The following METTL15 variants were observed in gnomAD, a reference collection of about 807,000 sequenced individuals.
METTL15 encodes the protein methyltransferase 15, mitochondrial 12S rRNA N4-cytidine.
METTL15 carries 34 observed loss-of-function variants against 38.3 expected under a neutral mutation model. The ratio of observed to expected loss-of-function variants is 0.89; its 90% confidence interval spans 0.68 to 1.18. The LOEUF (loss-of-function observed/expected upper bound fraction) is 1.18. Ranked by LOEUF, METTL15 falls within the 50% of genes most tolerant of loss-of-function variation. The pLI is 0.00. For missense variants in METTL15, 438 were observed against 498.4 expected (o/e 0.88, Z 1.15); for synonymous variants, 162 against 170.9 (o/e 0.95, Z 0.41).
intron 6 of METTL15, among the ~76,000 whole-genome samples, chr11:28,478,359 A>G (rs1851365065): frequency 1.3e-5 from 2 of 152,196 alleles, no homozygotes; most frequent in Non-Finnish European, 2.9e-5. Context: ...TATGCCTACC[A>G]TGATTTCGTG....
At chr11:28,131,720 A>G (rs1017688414) in intron 3 of METTL15, among the ~76,000 whole-genome samples, 43 of 152,252 alleles carry the variant, frequency 2.8e-4, no homozygotes, top group African/African-American at 9.9e-4. Flanking sequence ...CTTTTGTTCA[A>G]ATTGATAAAG....
chr11:28,453,924 T>C (rs1400654145), intron 6 of METTL15, among the ~76,000 whole-genome samples: 1 of 152,202 alleles, frequency 6.6e-6, no homozygotes, highest in African/African-American at 2.4e-5. Flanking sequence ...CATGGGAAGA[T>C]ACAGGAAAAA....
chr11:28,251,653 T>C (rs767388586), intron 4 of METTL15, among the ~76,000 whole-genome samples: 2 of 152,072 alleles, frequency 1.3e-5, no homozygotes, highest in Non-Finnish European at 1.5e-5. Flanking sequence ...CAGTAGTCTC[T>C]TGGTTCCTTG....
intron 3 of METTL15, among the ~76,000 whole-genome samples, chr11:28,339,560 A>T (rs949198857): frequency 1.3e-5 from 2 of 151,548 alleles, no homozygotes; most frequent in Admixed American, 1.3e-4. Flanking sequence ...TACAAAAGAC[A>T]TAAAAGTTAA....
At chr11:28,383,823 T>C (rs938039827) in intron 5 of METTL15, among the ~76,000 whole-genome samples, 1 of 152,160 alleles carries the variant, frequency 6.6e-6, no homozygotes, top group Admixed American at 6.5e-5. Context: ...TTTTTAACTT[T>C]TATTTTAAGT....
chr11:28,430,741 C>A (rs1290314992), intron 6 of METTL15, among the ~76,000 whole-genome samples: 1 of 112,688 alleles, frequency 8.9e-6, no homozygotes, highest in Non-Finnish European at 1.9e-5. Flanking sequence ...GTCAGCCCTC[C>A]GCCTGGCCAG....
chr11:28,234,308 G>C (rs1174793995), intron 4 of METTL15, among the ~76,000 whole-genome samples: 2 of 151,592 alleles, frequency 1.3e-5, no homozygotes, highest in Non-Finnish European at 2.9e-5. Flanking sequence ...ATAGTCCTTT[G>C]GGTATATACC....
intron 6 of METTL15, among the ~76,000 whole-genome samples, chr11:28,465,193 C>T (rs1269356950): frequency 6.6e-6 from 1 of 152,082 alleles, no homozygotes; most frequent in Non-Finnish European, 1.5e-5. Flanking sequence ...ACGGTAATGA[C>T]CACTTCCCTC....
intron 3 of METTL15, among the ~76,000 whole-genome samples, chr11:28,186,543 G>T (rs577961557): frequency 2.6e-4 from 40 of 150,998 alleles, no homozygotes; most frequent in Non-Finnish European, 5.6e-4. Context: ...AAGCTTACTT[G>T]ACTTAATTAT....
At chr11:28,367,271 A>G (rs927959435) in intron 5 of METTL15, among the ~76,000 whole-genome samples, 7 of 152,078 alleles carry the variant, frequency 4.6e-5, no homozygotes, top group African/African-American at 1.7e-4. Context: ...ACAGACAGAT[A>G]CTGCAGGAAA....
At chr11:28,148,715 C>T (rs984404226) in intron 3 of METTL15, among the ~76,000 whole-genome samples, 4 of 151,874 alleles carry the variant, frequency 2.6e-5, no homozygotes, top group Non-Finnish European at 5.9e-5. Flanking sequence ...TGTAAGTCAC[C>T]AAGGGATTGA....
intron 5 of METTL15, among the ~76,000 whole-genome samples, chr11:28,372,439 T>A (rs1445188065): frequency 7.5e-6 from 1 of 132,948 alleles, no homozygotes; most frequent in African/African-American, 2.8e-5. Context: ...GTTTTCTTTT[T>A]TTGTTGTGTT....
intron 3 of METTL15, among the ~76,000 whole-genome samples, chr11:28,118,921 T>TA (rs1273030085): frequency 6.6e-6 from 1 of 152,194 alleles, no homozygotes; most frequent in African/African-American, 2.4e-5. Context: ...CATTAGCTGT[T>TA]ACTATGGGAA....
intron 5 of METTL15, among the ~76,000 whole-genome samples, chr11:28,397,772 A>C (rs995309476): frequency 1.3e-5 from 2 of 152,178 alleles, no homozygotes; most frequent in South Asian, 2.1e-4. Flanking sequence ...TCATGCTGCT[A>C]TAAAGACACA....
chr11:28,301,454 C>G (rs905702328), intron 6 of METTL15, among the ~76,000 whole-genome samples: 2 of 152,044 alleles, frequency 1.3e-5, no homozygotes, highest in Non-Finnish European at 2.9e-5. Flanking sequence ...TATCTTATTG[C>G]TTGCTTACTA....
chr11:28,289,303 A>G (rs1225396779), intron 4 of METTL15, among the ~76,000 whole-genome samples: 3 of 152,154 alleles, frequency 2.0e-5, no homozygotes, highest in Non-Finnish European at 4.4e-5. Context: ...TACTTTCTCC[A>G]TTGGAATTGT....
intron 6 of METTL15, among the ~76,000 whole-genome samples, chr11:28,438,675 T>TC (rs1236343516): frequency 7.0e-6 from 1 of 142,678 alleles, no homozygotes; most frequent in African/African-American, 2.6e-5. Context: ...CTTTTTTCTT[T>TC]TTTTTTTTTT....
intron 3 of METTL15, among the ~76,000 whole-genome samples, chr11:28,203,925 G>A (rs1424669363): frequency 6.6e-6 from 1 of 151,958 alleles, no homozygotes; most frequent in African/African-American, 2.4e-5. Context: ...GGCAATATTA[G>A]GAATACATTG....
intron 4 of METTL15, among the ~76,000 whole-genome samples, chr11:28,232,861 C>T (rs1225749695): frequency 6.6e-6 from 1 of 151,930 alleles, no homozygotes; most frequent in Admixed American, 6.6e-5. Context: ...CCAGAAAGCT[C>T]GTCAAAGGAT....
Sources: allele counts gnomAD v4.1 joint callset (sites outside exome capture counted in the v4.1 genomes callset), GRCh38; gene constraint gnomAD v4.1.1; transcripts MANE v1.5; gene names NCBI Gene and HGNC (gene_info 2026-07-23, HGNC 2026-07-21).